Variants in LAMA2 observed in about 807,000 individuals in gnomAD.
LAMA2 encodes the protein laminin subunit alpha 2, also known as laminin subunit alpha-2.
In LAMA2, 269 loss-of-function variants were observed where a neutral mutation model predicts 364.8. The ratio of observed to expected loss-of-function variants is 0.74; its 90% confidence interval spans 0.67 to 0.82. LAMA2 has a LOEUF of 0.82. Among genes scored for constraint, LAMA2 ranks in the 40% least tolerant of loss-of-function variants. LAMA2 has a pLI of 0.00. For missense variants in LAMA2, 3,807 were observed against 3,873.2 expected (o/e 0.98, Z 0.45); for synonymous variants, 1,379 against 1,370.6 (o/e 1.01, Z -0.14).
intron 1 of LAMA2, among the ~76,000 whole-genome samples, chr6:128,884,214 A>G (rs950499619): frequency 2.0e-5 from 3 of 152,178 alleles, no homozygotes; most frequent in Non-Finnish European, 2.9e-5. Flanking sequence ...TTATTTTATT[A>G]TCATGAATTT....
intron 11 of LAMA2, among the ~76,000 whole-genome samples, chr6:129,192,387 G>A (rs1424318637): frequency 1.3e-5 from 2 of 152,074 alleles, no homozygotes; most frequent in Non-Finnish European, 2.9e-5. Context: ...TAAGAAAGTG[G>A]TATTTGGAAC....
At chr6:129,488,342 C>G (rs1286051273) in intron 56 of LAMA2, among the ~76,000 whole-genome samples, 1 of 152,076 alleles carries the variant, frequency 6.6e-6, no homozygotes, top group East Asian at 1.9e-4. Context: ...AACATTTAAA[C>G]TTTAAGGAAT....
At chr6:129,075,074 GA>G (rs892878374) in intron 3 of LAMA2, among the ~76,000 whole-genome samples, 23 of 149,912 alleles carry the variant, frequency 1.5e-4, no homozygotes, top group African/African-American at 4.6e-4. Flanking sequence ...GCAAGTTCAT[GA>G]AAAAAAAAGC....
intron 1 of LAMA2, among the ~76,000 whole-genome samples, chr6:128,910,984 G>T (rs1466834495): frequency 1.3e-5 from 2 of 151,108 alleles, no homozygotes; most frequent in Non-Finnish European, 2.9e-5. Flanking sequence ...TGAGGAGGCA[G>T]TCTGCCCGTT....
intron 12 of LAMA2, among the ~76,000 whole-genome samples, chr6:129,202,767 T>G (rs1322568055): frequency 1.3e-5 from 2 of 152,178 alleles, no homozygotes. Flanking sequence ...CAAAAATGTC[T>G]TCCAAAACTG....
At chr6:129,231,285 CAT>C (rs1420343624) in intron 12 of LAMA2, among the ~76,000 whole-genome samples, 2 of 152,048 alleles carry the variant, frequency 1.3e-5, no homozygotes, top group African/African-American at 4.8e-5. Context: ...TTACTGAACA[CAT>C]AGGAATTGCT....
intron 12 of LAMA2, among the ~76,000 whole-genome samples, chr6:129,222,589 G>A (rs967610517): frequency 6.8e-6 from 1 of 148,002 alleles, no homozygotes; most frequent in Non-Finnish European, 1.5e-5. Context: ...GAGAATATGC[G>A]ATGTTTAGTT....
intron 12 of LAMA2, among the ~76,000 whole-genome samples, chr6:129,246,896 C>G (rs996247095): frequency 1.3e-4 from 20 of 152,072 alleles, no homozygotes; most frequent in African/African-American, 4.8e-4. Context: ...ATTCTCAAAG[C>G]TTTTTCCCTG....
At chr6:129,506,703 T>G (rs1310633313) in intron 61 of LAMA2, among the ~76,000 whole-genome samples, 2 of 152,136 alleles carry the variant, frequency 1.3e-5, no homozygotes, top group African/African-American at 4.8e-5. Context: ...ATACTCAAAT[T>G]AGAACACATG....
intron 1 of LAMA2, among the ~76,000 whole-genome samples, chr6:128,911,263 A>C (rs1777921231): frequency 6.6e-6 from 1 of 152,046 alleles, no homozygotes; most frequent in Non-Finnish European, 1.5e-5. Context: ...GTTTGATCTC[A>C]GACTGCTGTG....
chr6:129,142,534 G>C (rs1179138098), intron 4 of LAMA2, among the ~76,000 whole-genome samples: 2 of 151,936 alleles, frequency 1.3e-5, no homozygotes, highest in Non-Finnish European at 2.9e-5. Context: ...TTTTAGTAGG[G>C]GGGAGGCAAA....
At chr6:128,976,462 C>T (rs1031610962) in intron 1 of LAMA2, among the ~76,000 whole-genome samples, 1 of 152,042 alleles carries the variant, frequency 6.6e-6, no homozygotes, top group African/African-American at 2.4e-5. Context: ...GAGGTAACAT[C>T]CAGGATAAGC....
intron 12 of LAMA2, among the ~76,000 whole-genome samples, chr6:129,242,022 A>C (rs1183778994): frequency 6.6e-6 from 1 of 152,184 alleles, no homozygotes; most frequent in Non-Finnish European, 1.5e-5. Context: ...TGCTATTTCA[A>C]AATGCCCTCC....
intron 34 of LAMA2, among the ~76,000 whole-genome samples, chr6:129,374,177 A>G (rs1778241343): frequency 6.6e-6 from 1 of 152,258 alleles, no homozygotes; most frequent in Admixed American, 6.5e-5. Context: ...GTCAAGCTGC[A>G]TGACAATCAA....
At chr6:128,901,805 A>G (rs1041528948) in intron 1 of LAMA2, among the ~76,000 whole-genome samples, 1 of 152,244 alleles carries the variant, frequency 6.6e-6, no homozygotes, top group Non-Finnish European at 1.5e-5. Flanking sequence ...TAATAATTCT[A>G]CAGTTGACTG....
At chr6:129,298,612 A>G (rs906508751) in intron 21 of LAMA2, among the ~76,000 whole-genome samples, 9 of 152,180 alleles carry the variant, frequency 5.9e-5, no homozygotes, top group Non-Finnish European at 1.3e-4. Flanking sequence ...TTTGTTTACT[A>G]ATGTCATGGA....
intron 1 of LAMA2, among the ~76,000 whole-genome samples, chr6:129,031,832 T>C (rs987653568): frequency 6.6e-6 from 1 of 152,086 alleles, no homozygotes; most frequent in Non-Finnish European, 1.5e-5. Context: ...TTCTTTTCTT[T>C]TCTTTTTTTT....
At chr6:129,251,758 C>T (rs1457083162) in intron 13 of LAMA2, among the ~76,000 whole-genome samples, 6 of 151,982 alleles carry the variant, frequency 3.9e-5, no homozygotes, top group African/African-American at 1.4e-4. Flanking sequence ...CATGGCAAAA[C>T]CCCCGCCTCT....
chr6:129,316,358 G>C (rs1774608208), intron 27 of LAMA2, among the ~76,000 whole-genome samples, 187 bp downstream of exon 27: 2 of 152,006 alleles, frequency 1.3e-5, no homozygotes, highest in Non-Finnish European at 2.9e-5. Context: ...AAGAAAAATA[G>C]CATGAGAAAC....
Sources: allele counts gnomAD v4.1 joint callset (sites outside exome capture counted in the v4.1 genomes callset), GRCh38; gene constraint gnomAD v4.1.1; transcripts MANE v1.5; gene names NCBI Gene and HGNC (gene_info 2026-07-23, HGNC 2026-07-21).